ACHE: variants seen among roughly 807,000 people sequenced by gnomAD.
The protein encoded by ACHE is acetylcholinesterase.
Under a neutral mutation model 53.9 loss-of-function variants are expected in ACHE, and 19 were observed. The ratio of observed to expected loss-of-function variants is 0.35; its 90% CI spans 0.25 to 0.52. The LOEUF (loss-of-function observed/expected upper bound fraction) is 0.52, where lower values mean the gene tolerates loss of function less well. Ranked by LOEUF, ACHE falls within the 20% of genes least tolerant of loss-of-function variation. The probability of loss-of-function intolerance (pLI) is 0.95; values close to 1 mark genes in which losing one functional copy is unlikely to be tolerated. For missense variants in ACHE, 605 were observed against 849.4 expected, an observed-to-expected ratio of 0.71 and a Z score of 3.58; for synonymous variants, 392 against 378.1, an observed-to-expected ratio of 1.04 and a Z score of -0.43.
intron 1 of ACHE, among the ~76,000 whole-genome samples, chr7:100,895,558 C>A (rs867451879): frequency 5.9e-5 from 9 of 152,264 alleles, no homozygotes; most frequent in African/African-American, 2.2e-4. Context: ...GCTCGGGGGT[C>A]CCCGCGGGAA....
At position 100,891,230 on chromosome 7, in the gene ACHE, C is replaced by T. The variant is rs760925378; in HGVS notation, c.1662G>A (p.Gly554=). The T allele has an allele frequency of 1.5e-5, 24 of 1,610,970 alleles. No individual in the cohort carries two copies. The highest frequency in any genetic ancestry group is 1.1e-4 in the South Asian group (10 of 90,946). ...LDLRPLEVRR[G]LRAQACAFWN... ...AGAAGGCGCAGGCCTGGGCGCGCAG[C>T]CCCCGCCGCACCTCCAGCGGCCGCA... is the stretch of plus-strand genomic sequence containing the variant. Residue 554 remains glycine, a synonymous_variant, in exon 4 of 5, where the codon GGG becomes GGA. Transcript: ENST00000241069.
intron 4 of ACHE, chr7:100,890,862 A>G (rs1455284162): frequency 1.4e-6 from 2 of 1,445,216 alleles, no homozygotes; most frequent in Non-Finnish European, 1.8e-6. Flanking sequence ...GGAGGAAGGG[A>G]GCACTAGGTC....
chr7:100,890,605 A>T (rs1584769678), intron 4 of ACHE: 4 of 1,275,224 alleles, frequency 3.1e-6, no homozygotes, highest in Non-Finnish European at 4.0e-6. Context: ...AGGGGACAGG[A>T]GGGGGAGGTT....
chr7:100,894,347 C>A, intron 1 of ACHE, 95 bp from the exon 2 acceptor site: 1 of 843,704 alleles, frequency 1.2e-6, no homozygotes, highest in Non-Finnish European at 1.7e-6. Context: ...TATCGCTCAG[C>A]TGCAGAGGAG....
chr7:100,894,343 T>G, intron 1 of ACHE, 91 bp from the exon 2 acceptor site: 3 of 898,038 alleles, frequency 3.3e-6, no homozygotes, highest in South Asian at 5.8e-5. Context: ...GGGTTATCGC[T>G]CAGCTGCAGA....
Position 100,892,976 on chromosome 7 carries a change from G to A in ACHE, c.1069-158C>T, listed in dbSNP as rs924798775. On this transcript the variant is annotated intron_variant, in intron 2 of 4. Coordinates refer to ENST00000241069, the MANE Select transcript of ACHE (RefSeq NM_000665.5). The surrounding 1 kb of genome is among the most constrained non-coding windows in gnomAD (Gnocchi z 5.2). ...AGATCAGGGGAGGGATGCAGAGAAA[G>A]AGAAAATAGACCCATGGTGGCTTTC... Among the ~76,000 whole-genome samples the A allele has an allele frequency of 1.5e-4, 23 of 152,150 alleles. No homozygotes were observed. The highest frequency in any genetic ancestry group is 3.4e-4 in the Non-Finnish European group (23 of 68,014).
At position 100,892,246 on chromosome 7, in the gene ACHE, CCTTT is replaced by C. The variant is rs373044725; in HGVS notation, c.1553+84_1553+87del. On this transcript the variant is annotated intron_variant, in intron 3 of 4. Coordinates refer to ENST00000241069, the MANE Select transcript of ACHE (RefSeq NM_000665.5). This position sits in a 1 kb window ranked among gnomAD's most constrained non-coding sequence, Gnocchi z 5.2. Reference sequence around the variant, plus strand: ...TCTATCCTGCCCCTGTCCCACCCGTCCTTTCTGTCTCCGTGTGTCTGCCTTTGTG... The same window carrying C: ...TCTATCCTGCCCCTGTCCCACCCGTCCTGTCTCCGTGTGTCTGCCTTTGTG... The C allele has an allele frequency of 7.0e-7, 1 of 1,433,264 alleles. No individual in the cohort carries two copies. Among genetic ancestry groups the C allele is most frequent in the Non-Finnish European group, 9.2e-7 (1 of 1,086,984 alleles). 88.8% of individuals were successfully genotyped at this position (1,433,264 alleles called of 1,614,324 possible). A position where few individuals can be genotyped will look rare whatever the true frequency, so the allele number is the denominator to read the frequency against.
At position 100,890,235 on chromosome 7, in the gene ACHE, C is replaced by G. The variant is rs1346632698; in HGVS notation, c.1824G>C (p.Gln608His). The G allele has an allele frequency of 1.2e-6, 2 of 1,614,052 alleles. No individual in the cohort carries two copies. The change falls in exon 5 of 5, where the codon CAG (glutamine) becomes CAC (histidine). Residue 608 changes from glutamine (Q) to histidine (H), a missense_variant. Gln to His is a conservative substitution (Grantham distance 24, BLOSUM62 0). Coordinates refer to ENST00000241069, the MANE Select transcript of ACHE (RefSeq NM_000665.5). Reference sequence around the variant, plus strand: ...GGGGTCACAGGTCTGAGCAGCGATCCTGCTTGCTGTAGTGGTCGAACTGGT... The same window carrying G: ...GGGGTCACAGGTCTGAGCAGCGATCGTGCTTGCTGTAGTGGTCGAACTGGT... The part of the protein sequence containing the change: ...WKNQFDHYSK[Q>H]DRCSDL
intron 3 of ACHE, among the ~76,000 whole-genome samples, chr7:100,891,918 C>CT (rs981249927): frequency 6.6e-6 from 1 of 151,114 alleles, no homozygotes; most frequent in Non-Finnish European, 1.5e-5. Flanking sequence ...GTAGCTGGGA[C>CT]TAGAGGCACG....
chr7:100,890,752 T>G, intron 4 of ACHE: 1 of 1,339,036 alleles, frequency 7.5e-7, no homozygotes, highest in Non-Finnish European at 9.6e-7. Flanking sequence ...TACTGGCTTT[T>G]CCATTTCCAT....
chr7:100,891,064 G>A (rs1240159534), intron 4 of ACHE, 105 bp downstream of exon 4: 2 of 1,502,862 alleles, frequency 1.3e-6, no homozygotes, highest in African/African-American at 1.4e-5. Flanking sequence ...GGTGAAGCCT[G>A]GGCAGGTGCT....
At chr7:100,890,868 A>G (rs1054708579) in intron 4 of ACHE, 5 of 1,450,938 alleles carry the variant, frequency 3.4e-6, no homozygotes, top group Non-Finnish European at 4.5e-6. Context: ...AGGGAGCACT[A>G]GGTCTGAGAT....
Position 100,893,182 on chromosome 7 carries a change from C to T in ACHE, c.1051G>A (p.Asp351Asn). Residue 351 changes from aspartate to asparagine, a missense_variant, in exon 2 of 5, where the codon GAC (aspartate) becomes AAC (asparagine). Transcript: ENST00000241069. ...DTPEALINAG[D>N]FHGLQVLVGV... ...CTAGTTACCTGCAGGCCGTGGAAGT[C>T]TCCCGCGTTGATGAGGGCCTCTGGG... The T allele has an allele frequency of 6.2e-7, 1 of 1,614,010 alleles. No individual in the cohort carries two copies. The highest frequency in any genetic ancestry group is 8.5e-7 in the Non-Finnish European group (1 of 1,180,004).
rs762923157 is a variant in ACHE, at chr7:100,891,342, CG to C, written c.1554-5del. The C allele has an allele frequency of 2.9e-5, 44 of 1,538,468 alleles. No individual in the cohort carries two copies. Among genetic ancestry groups the C allele is most frequent in the Non-Finnish European group, 3.1e-5 (36 of 1,147,000 alleles). ...GTCTCGGGGCTCATTGGGATCCCTG[CG>C]GAAGGAAGGGAAGGCTCAGTCCAGA... On this transcript the variant is annotated splice_region_variant and splice_polypyrimidine_tract_variant and intron_variant, in intron 3 of 4. Coordinates refer to ENST00000241069, the MANE Select transcript of ACHE (RefSeq NM_000665.5).
chr7:100,890,595 A>G (rs954122671), intron 4 of ACHE: 59 of 1,316,938 alleles, frequency 4.5e-5, no homozygotes, highest in South Asian at 1.7e-4. Flanking sequence ...ACGGGAACAG[A>G]GGGGACAGGA....
chr7:100,890,532 G>A (rs1790605188), intron 4 of ACHE, 197 bp from the exon 5 acceptor site: 1 of 1,420,250 alleles, frequency 7.0e-7, no homozygotes, highest in African/African-American at 1.4e-5. Context: ...GCAGAGGCGG[G>A]GCCGGAGAAG....
At chr7:100,890,556 AGAGAGGAG>A in intron 4 of ACHE, 1 of 1,386,304 alleles carries the variant, frequency 7.2e-7, no homozygotes, top group Non-Finnish European at 9.4e-7. Flanking sequence ...AGCAGGAAGG[AGAGAGGAG>A]GAGAAAAGAA....
At chr7:100,896,005 C>T (rs1462091346), upstream of ACHE, 2 of 150,854 alleles carry the variant, frequency 1.3e-5, no homozygotes, top group Non-Finnish European at 3.0e-5. Flanking sequence ...GCCACCTCCC[C>T]TCTCTCTCCC....
At chr7:100,890,418 G>A (rs949702421) in intron 4 of ACHE, 83 bp from the exon 5 acceptor site, 11 of 1,535,078 alleles carry the variant, frequency 7.2e-6, no homozygotes, top group East Asian at 2.4e-5. Context: ...GGGTTGAAGG[G>A]GGGGTATGAG....
Sources: allele counts gnomAD v4.1 joint callset (sites outside exome capture counted in the v4.1 genomes callset), GRCh38; gene constraint gnomAD v4.1.1; non-coding constraint Gnocchi (gnomAD v3.1); transcripts MANE v1.5; gene names NCBI Gene and HGNC (gene_info 2026-07-23, HGNC 2026-07-21).